CFH: variants seen among roughly 807,000 people sequenced by gnomAD.
CFH encodes complement factor H, also known as H factor 1 (complement).
CFH carries 53 observed loss-of-function variants against 147.3 expected under a neutral mutation model. The observed-to-expected ratio is 0.36, with a 90% CI of 0.29 to 0.45. The LOEUF is 0.45. Ranked by LOEUF, CFH falls within the 20% of genes least tolerant of loss-of-function variation. The pLI, the probability that CFH is intolerant of heterozygous loss-of-function variation, is 1.00. For missense variants in CFH, 1,380 were observed against 1,498.0 expected (o/e 0.92, Z 1.30); for synonymous variants, 536 against 489.4 (o/e 1.10, Z -1.26).
chr1:196,682,686 G>C (rs982773146), intron 6 of CFH, among the ~76,000 whole-genome samples: 2 of 151,300 alleles, frequency 1.3e-5, no homozygotes, highest in African/African-American at 4.8e-5. Flanking sequence ...AAGAAAAAAG[G>C]AATACATTTA....
chr1:196,653,739 CTTTTA>C (rs1353269510), intron 1 of CFH, among the ~76,000 whole-genome samples: 7 of 151,928 alleles, frequency 4.6e-5, no homozygotes, highest in African/African-American at 1.7e-4. Context: ...ACTTGTTTCA[CTTTTA>C]TTTTATTTTT....
intron 1 of CFH, among the ~76,000 whole-genome samples, chr1:196,661,234 T>A (rs1463301628): frequency 1.3e-5 from 2 of 152,224 alleles, no homozygotes; most frequent in Admixed American, 6.5e-5. Context: ...GGAAAATTAG[T>A]GCCCATAAAA....
chr1:196,675,315 G>A (rs1667418024), intron 3 of CFH, among the ~76,000 whole-genome samples: 1 of 152,102 alleles, frequency 6.6e-6, no homozygotes, highest in South Asian at 2.1e-4. Context: ...ACATTAGATG[G>A]CTTGGATGAG....
At chr1:196,740,184 G>T (rs753570896) in intron 17 of CFH, among the ~76,000 whole-genome samples, 3 of 152,156 alleles carry the variant, frequency 2.0e-5, no homozygotes, top group Admixed American at 2.0e-4. Flanking sequence ...AGATTTGGGT[G>T]GGGACACAGC....
At chr1:196,713,589 C>T (rs1668773809) in intron 9 of CFH, 146 bp from the exon 10 acceptor site, 8 of 558,406 alleles carry the variant, frequency 1.4e-5, no homozygotes, top group Non-Finnish European at 2.5e-5. Context: ...AGCTTATTTT[C>T]CTTGACTTAA....
At chr1:196,669,489 G>A (rs540446970) in intron 1 of CFH, among the ~76,000 whole-genome samples, 1 of 152,268 alleles carries the variant, frequency 6.6e-6, no homozygotes, top group East Asian at 1.9e-4. Flanking sequence ...CTCAGGAGTT[G>A]GTGGCTTGCA....
chr1:196,683,055 G>T (rs1316165944), intron 6 of CFH, among the ~76,000 whole-genome samples: 1 of 151,270 alleles, frequency 6.6e-6, no homozygotes, highest in East Asian at 1.9e-4. Flanking sequence ...AAAATGGCAG[G>T]AGATGAGATG....
chr1:196,668,021 A>G (rs1667155163), intron 1 of CFH, among the ~76,000 whole-genome samples: 1 of 152,150 alleles, frequency 6.6e-6, no homozygotes, highest in African/African-American at 2.4e-5. Flanking sequence ...TGAATTTATT[A>G]AAAACACTAT....
Position 196,689,606 on chromosome 1 carries a change from C to G in CFH, c.1151C>G (p.Pro384Arg), listed in dbSNP as rs747364631. The G allele has an allele frequency of 1.1e-5, 18 of 1,613,274 alleles. No homozygotes were observed. The highest frequency in any genetic ancestry group is 1.4e-5 in the Non-Finnish European group (16 of 1,179,564). Residue 384 changes from proline (P) to arginine (R), a missense_variant, in exon 8 of 22, where the codon CCA (proline) becomes CGA (arginine). Pro to Arg is a moderately radical substitution (Grantham distance 103). Transcript: ENST00000367429. ...CAAGATGGATGGTCGCCAGCAGTAC[C>G]ATGCCTCAGTAAGTAAACCTCTGAA... ...CTQDGWSPAV[P>R]CLRKCYFPYL...
At chr1:196,724,549 C>T (rs1175008821) in intron 11 of CFH, among the ~76,000 whole-genome samples, 2 of 152,146 alleles carry the variant, frequency 1.3e-5, no homozygotes, top group Non-Finnish European at 2.9e-5. Context: ...TATGAGGTCC[C>T]ACAGGGTCCT....
intron 1 of CFH, among the ~76,000 whole-genome samples, chr1:196,654,346 T>G (rs1455868749): frequency 6.6e-6 from 1 of 152,162 alleles, no homozygotes; most frequent in Non-Finnish European, 1.5e-5. Flanking sequence ...GTTTTCTTTT[T>G]TTAATATATT....
chr1:196,710,880 CAG>C (rs1558171745), intron 9 of CFH, among the ~76,000 whole-genome samples: 1 of 151,894 alleles, frequency 6.6e-6, no homozygotes, highest in African/African-American at 2.4e-5. Flanking sequence ...GTTTAATAGA[CAG>C]AATTTATTAA....
At chr1:196,676,483 G>A (rs914626398) in intron 4 of CFH, among the ~76,000 whole-genome samples, 6 of 152,022 alleles carry the variant, frequency 3.9e-5, no homozygotes, top group Non-Finnish European at 1.5e-5. Context: ...CTCCCACTAA[G>A]GGAGGTTGCC....
At chr1:196,735,926 A>G (rs1202649541) in intron 15 of CFH, among the ~76,000 whole-genome samples, 2 of 152,078 alleles carry the variant, frequency 1.3e-5, no homozygotes, top group South Asian at 2.1e-4. Flanking sequence ...AATCATTGCC[A>G]TGATTTCCTA....
chr1:196,723,054 T>C (rs1669039474), intron 11 of CFH, among the ~76,000 whole-genome samples: 1 of 152,212 alleles, frequency 6.6e-6, no homozygotes, highest in African/African-American at 2.4e-5. Context: ...ATAAATATTT[T>C]AAATTCTTTG....
chr1:196,735,192 TTGA>T (rs777360975), intron 15 of CFH, among the ~76,000 whole-genome samples: 47 of 152,278 alleles, frequency 3.1e-4, no homozygotes, highest in Non-Finnish European at 2.8e-4. Flanking sequence ...GGTTTGTCTG[TTGA>T]TGATTAATTA....
chr1:196,715,985 G>T (rs1373186822), intron 11 of CFH, among the ~76,000 whole-genome samples: 2 of 151,984 alleles, frequency 1.3e-5, no homozygotes, highest in African/African-American at 2.4e-5. Flanking sequence ...CTACCTTCCA[G>T]ATTTGTGATT....
intron 6 of CFH, among the ~76,000 whole-genome samples, chr1:196,680,487 G>T (rs1463634780): frequency 6.6e-6 from 1 of 151,864 alleles, no homozygotes; most frequent in Non-Finnish European, 1.5e-5. Flanking sequence ...CAAGAAGAGA[G>T]AATATGGACA....
chr1:196,672,474 G>GC lies in CFH; in HGVS notation c.59-503dup, dbSNP rs554808375. Among the ~76,000 whole-genome samples, 400 of 152,142 alleles carry GC rather than the reference G, an allele frequency of 2.6e-3. 2 individuals are homozygous for GC. Among genetic ancestry groups the GC allele is most frequent in the East Asian group, 0.013 (68 of 5,182 alleles). Reference sequence around the variant, plus strand: ...GTATAATTCTGTATTAACTTATCATGCTAATTTTTGTAAATATAATTTTTC... The same window carrying GC: ...GTATAATTCTGTATTAACTTATCATGCCTAATTTTTGTAAATATAATTTTTC... On this transcript the variant is annotated intron_variant, in intron 1 of 21. Coordinates refer to ENST00000367429, the MANE Select transcript of CFH (RefSeq NM_000186.4).
Sources: allele counts gnomAD v4.1 joint callset (sites outside exome capture counted in the v4.1 genomes callset), GRCh38; gene constraint gnomAD v4.1.1; transcripts MANE v1.5; gene names NCBI Gene and HGNC (gene_info 2026-07-23, HGNC 2026-07-21).